ZNF618: variants seen among roughly 807,000 people sequenced by gnomAD.
The protein encoded by ZNF618 is neural precursor cell expressed, developmentally down-regulated 10.
ZNF618 carries 34 observed loss-of-function variants against 103.0 expected under a neutral mutation model. That is an observed-to-expected ratio of 0.33 (90% CI 0.25 to 0.44). ZNF618 has a LOEUF of 0.44. ZNF618 is among the 20% of genes least tolerant of loss of function. The pLI is 1.00. For synonymous variants in ZNF618, 551 were observed against 542.2 expected (o/e 1.02, Z -0.23); for missense variants, 1,059 against 1,295.4 (o/e 0.82, Z 2.80).
intron 10 of ZNF618, among the ~76,000 whole-genome samples, chr9:114,024,335 CTGTA>C (rs1843315463): frequency 6.6e-6 from 1 of 151,698 alleles, no homozygotes; most frequent in Non-Finnish European, 1.5e-5. Context: ...CTTGTCATTT[CTGTA>C]TGTTTCTGTT....
At chr9:114,016,212 A>AC (rs752781385) in intron 9 of ZNF618, 2 of 1,569,666 alleles carry the variant, frequency 1.3e-6, no homozygotes, top group East Asian at 4.5e-5. Flanking sequence ...GGAAGAAGTG[A>AC]CCCCTGCTGC....
At chr9:114,004,255 A>G (rs115534408) in intron 6 of ZNF618, among the ~76,000 whole-genome samples, 2,853 of 152,274 alleles carry the variant, frequency 0.019, 106 homozygotes, top group African/African-American at 0.065. Flanking sequence ...TCTGAGGCCC[A>G]GGTCAGCTAG....
intron 2 of ZNF618, among the ~76,000 whole-genome samples, chr9:113,974,536 G>A (rs923116663): frequency 1.3e-5 from 2 of 152,200 alleles, no homozygotes; most frequent in African/African-American, 4.8e-5. Flanking sequence ...GTGTTGCCAA[G>A]GGTTCAGGAC....
intron 13 of ZNF618, among the ~76,000 whole-genome samples, chr9:114,045,966 A>G (rs1845615336): frequency 6.6e-6 from 1 of 152,078 alleles, no homozygotes; most frequent in South Asian, 2.1e-4. Flanking sequence ...TTTAATGGTA[A>G]GTAATTATTT....
chr9:113,928,669 C>T (rs1232795410), intron 1 of ZNF618, among the ~76,000 whole-genome samples: 4 of 152,126 alleles, frequency 2.6e-5, no homozygotes, highest in African/African-American at 9.7e-5. Context: ...TTCCTGTTGT[C>T]TTTAGATTTC....
At chr9:114,012,510 T>C (rs1056369826) in intron 9 of ZNF618, among the ~76,000 whole-genome samples, 2 of 152,098 alleles carry the variant, frequency 1.3e-5, no homozygotes. Context: ...TTTCAACATA[T>C]GAATTTGAGG....
intron 1 of ZNF618, among the ~76,000 whole-genome samples, chr9:113,949,438 C>T (rs894350350): frequency 2.6e-5 from 4 of 152,130 alleles, no homozygotes; most frequent in Admixed American, 1.3e-4. Flanking sequence ...TACAGTCCCT[C>T]GGAGGCGTAT....
intron 13 of ZNF618, among the ~76,000 whole-genome samples, chr9:114,047,462 G>A (rs1289087806): frequency 1.3e-5 from 2 of 152,208 alleles, no homozygotes; most frequent in Non-Finnish European, 2.9e-5. Flanking sequence ...GAAAGTGAGA[G>A]AGTATGAGGA....
At chr9:113,949,055 T>C (rs1054889453) in intron 1 of ZNF618, among the ~76,000 whole-genome samples, 9 of 152,242 alleles carry the variant, frequency 5.9e-5, no homozygotes, top group African/African-American at 2.2e-4. Context: ...CTTGAATGCA[T>C]GTCTTCCCGG....
At chr9:114,026,874 A>G (rs991293400) in intron 10 of ZNF618, among the ~76,000 whole-genome samples, 3 of 151,768 alleles carry the variant, frequency 2.0e-5, no homozygotes, top group Admixed American at 6.6e-5. Flanking sequence ...TCGAGGGGGG[A>G]AAACAAAGGC....
In ZNF618 at chr9:114,040,481, TC is replaced by T. The variant is rs1220942630; in HGVS notation, c.1246+4110del. ...TTAGGTATATCTCCTAATGCTATCC[TC>T]CCCCCACCCCACAACCGGCCCCGGT... On this transcript the variant is annotated intron_variant, in intron 13 of 14. Coordinates refer to ENST00000374126, the MANE Select transcript of ZNF618 (RefSeq NM_001318042.2). Among the ~76,000 whole-genome samples, 7 of 151,954 alleles carry T rather than the reference TC, an allele frequency of 4.6e-5. No individual in the cohort carries two copies. The East Asian group carries it at 1.4e-3, about 29-fold the overall frequency.
chr9:113,928,007 C>T (rs1833250838), intron 1 of ZNF618, among the ~76,000 whole-genome samples: 1 of 152,162 alleles, frequency 6.6e-6, no homozygotes, highest in Non-Finnish European at 1.5e-5. Context: ...TGTTTAGTTT[C>T]AGTTTGTTAA....
chr9:113,946,559 C>T (rs1835052224), intron 1 of ZNF618, among the ~76,000 whole-genome samples: 1 of 152,162 alleles, frequency 6.6e-6, no homozygotes, highest in Non-Finnish European at 1.5e-5. Flanking sequence ...ATGGCAGACA[C>T]CGCACCTAGA....
At position 114,048,710 on chromosome 9, in the gene ZNF618, G is replaced by A. The variant is rs747371712; in HGVS notation, c.1408G>A (p.Ala470Thr). 6.2e-6 allele frequency: 10 copies of A among 1,613,968 alleles called. No homozygotes were observed. Among genetic ancestry groups the A allele is most frequent in the East Asian group, 2.2e-5 (1 of 44,876 alleles). The change falls in exon 15 of 15, where the codon GCA (alanine) becomes ACA (threonine). Residue 470 changes from alanine (A) to threonine (T), a missense_variant. Physicochemically the swap from Ala to Thr is moderately conservative, Grantham distance 58. Coordinates refer to ENST00000374126, the MANE Select transcript of ZNF618 (RefSeq NM_001318042.2). ...CCCCGAAAAGGAGCGGCAGAACATCGCAGAGCGGCTGTTGAGGGTCATGTG... is the reference window on the plus strand; with the variant it reads ...CCCCGAAAAGGAGCGGCAGAACATCACAGAGCGGCTGTTGAGGGTCATGTG... ...MIPEKERQNIAERLLRVMCAD... is the reference protein window; with the variant it reads ...MIPEKERQNITERLLRVMCAD...
chr9:114,046,442 A>G (rs532246771), intron 13 of ZNF618, among the ~76,000 whole-genome samples: 6 of 152,344 alleles, frequency 3.9e-5, no homozygotes, highest in African/African-American at 9.6e-5. Context: ...GCTATACCGT[A>G]TAGCCTAGGT....
chr9:113,957,129 C>T (rs1008470959), intron 1 of ZNF618, among the ~76,000 whole-genome samples: 8 of 152,168 alleles, frequency 5.3e-5, no homozygotes, highest in African/African-American at 1.4e-4. Context: ...TAAATCCCGC[C>T]GGCCGGAGAG....
At chr9:114,033,387 AAAAGAG>A (rs1235943935) in intron 12 of ZNF618, among the ~76,000 whole-genome samples, 1 of 105,792 alleles carries the variant, frequency 9.5e-6, no homozygotes, top group African/African-American at 4.1e-5. Context: ...CTCTGTCTCA[AAAAGAG>A]AGAGAGAGAG....
intron 12 of ZNF618, among the ~76,000 whole-genome samples, chr9:114,034,313 C>T (rs976427006): frequency 2.0e-5 from 3 of 152,150 alleles, no homozygotes; most frequent in African/African-American, 7.2e-5. Context: ...AGTAGTAGCG[C>T]CGGGCTGGAA....
At chr9:113,954,851 A>G (rs1282790637) in intron 1 of ZNF618, among the ~76,000 whole-genome samples, 5 of 152,168 alleles carry the variant, frequency 3.3e-5, no homozygotes, top group African/African-American at 1.2e-4. Flanking sequence ...CTTCTCACCC[A>G]TTCTCTCCCT....
Sources: allele counts gnomAD v4.1 joint callset (sites outside exome capture counted in the v4.1 genomes callset), GRCh38; gene constraint gnomAD v4.1.1; transcripts MANE v1.5; gene names NCBI Gene and HGNC (gene_info 2026-07-23, HGNC 2026-07-21).